SBF2: variants seen among roughly 807,000 people sequenced by gnomAD.
The protein encoded by SBF2 is SET binding factor 2.
Under a neutral mutation model 225.2 loss-of-function variants are expected in SBF2, and 112 were observed. The ratio of observed to expected loss-of-function variants is 0.50; its 90% confidence interval spans 0.43 to 0.58. SBF2 has a LOEUF of 0.58. Among genes scored for constraint, SBF2 ranks in the 20% least tolerant of loss-of-function variants. The pLI, the probability that SBF2 is intolerant of heterozygous loss-of-function variation, is 0.00. For synonymous variants in SBF2, 763 were observed against 773.3 expected (o/e 0.99, Z 0.22); for missense variants, 1,996 against 2,206.2 (o/e 0.90, Z 1.91).
At chr11:10,058,203 T>C (rs888236693) in intron 2 of SBF2, among the ~76,000 whole-genome samples, 2 of 152,006 alleles carry the variant, frequency 1.3e-5, no homozygotes, top group Non-Finnish European at 2.9e-5. Flanking sequence ...AGAATATGGA[T>C]AGGAACAAAG....
intron 10 of SBF2, 125 bp downstream of exon 10, chr11:9,993,796 T>A: frequency 1.0e-6 from 1 of 967,534 alleles, no homozygotes; most frequent in Non-Finnish European, 1.5e-6. Context: ...TCCTAATTTC[T>A]AATTTGGGGC....
intron 2 of SBF2, among the ~76,000 whole-genome samples, chr11:10,119,567 A>G (rs1445733616): frequency 6.6e-6 from 1 of 152,186 alleles, no homozygotes; most frequent in African/African-American, 2.4e-5. Flanking sequence ...GGTCAAAGTC[A>G]TTGATAAGAG....
At chr11:10,059,883 G>C (rs978079256) in intron 2 of SBF2, among the ~76,000 whole-genome samples, 1 of 152,166 alleles carries the variant, frequency 6.6e-6, no homozygotes, top group African/African-American at 2.4e-5. Context: ...CTAAAGCAGT[G>C]TTAAGAGAAG....
chr11:10,261,469 C>T (rs1389965575), intron 1 of SBF2, among the ~76,000 whole-genome samples: 1 of 152,168 alleles, frequency 6.6e-6, no homozygotes, highest in African/African-American at 2.4e-5. Flanking sequence ...CCCCAAAGTG[C>T]TGGGATTACA....
intron 16 of SBF2, among the ~76,000 whole-genome samples, chr11:9,949,711 C>A (rs553243000): frequency 6.6e-6 from 1 of 151,676 alleles, no homozygotes; most frequent in African/African-American, 2.4e-5. Context: ...GAAAAAGGGG[C>A]TTTTTTTTCC....
intron 17 of SBF2, among the ~76,000 whole-genome samples, chr11:9,862,651 TG>T (rs919194050): frequency 6.6e-6 from 1 of 152,064 alleles, no homozygotes; most frequent in Admixed American, 6.5e-5. Context: ...CAGTATAACC[TG>T]GGACAGTAGC....
At chr11:10,225,037 G>A (rs1224187715) in intron 1 of SBF2, among the ~76,000 whole-genome samples, 8 of 152,106 alleles carry the variant, frequency 5.3e-5, no homozygotes, top group Non-Finnish European at 1.0e-4. Flanking sequence ...TTGCCATCTT[G>A]GAGATAGAGG....
At chr11:10,224,675 G>A (rs1178921604) in intron 1 of SBF2, among the ~76,000 whole-genome samples, 1 of 152,054 alleles carries the variant, frequency 6.6e-6, no homozygotes, top group South Asian at 2.1e-4. Context: ...ATACATGGCT[G>A]GTTCCTTCGA....
At chr11:10,017,490 A>G (rs767231147) in intron 6 of SBF2, among the ~76,000 whole-genome samples, 19 of 152,210 alleles carry the variant, frequency 1.2e-4, no homozygotes, top group Non-Finnish European at 2.5e-4. Context: ...ACACTAGAAT[A>G]TAGCAGTGAA....
chr11:10,135,338 C>A (rs144181076), intron 2 of SBF2, among the ~76,000 whole-genome samples: 2 of 152,258 alleles, frequency 1.3e-5, no homozygotes, highest in Admixed American at 1.3e-4. Flanking sequence ...GTCTCTGACA[C>A]GCCCTAGAGA....
intron 2 of SBF2, among the ~76,000 whole-genome samples, chr11:10,070,656 C>T (rs1950828019): frequency 6.6e-6 from 1 of 151,996 alleles, no homozygotes; most frequent in Non-Finnish European, 1.5e-5. Flanking sequence ...TTTTTTGGTT[C>T]CATATGAACT....
At chr11:10,218,698 G>C (rs1372830768) in intron 1 of SBF2, among the ~76,000 whole-genome samples, 1 of 152,118 alleles carries the variant, frequency 6.6e-6, no homozygotes, top group Non-Finnish European at 1.5e-5. Context: ...TACAACGGAG[G>C]TACAGGCATT....
At chr11:10,098,486 A>C (rs1021082898) in intron 2 of SBF2, among the ~76,000 whole-genome samples, 51 of 151,870 alleles carry the variant, frequency 3.4e-4, no homozygotes, top group East Asian at 1.9e-3. Context: ...AAAAAAAAAA[A>C]AACAAAGAAA....
At chr11:10,122,404 G>A (rs1953509593) in intron 2 of SBF2, among the ~76,000 whole-genome samples, 1 of 152,240 alleles carries the variant, frequency 6.6e-6, no homozygotes, top group South Asian at 2.1e-4. Flanking sequence ...GCTAAGTGGG[G>A]ACTAATATAT....
intron 13 of SBF2, among the ~76,000 whole-genome samples, chr11:9,974,109 C>G (rs1946570852): frequency 6.6e-6 from 1 of 152,066 alleles, no homozygotes. Flanking sequence ...GATGGAATGA[C>G]TCATCCTCAA....
intron 17 of SBF2, among the ~76,000 whole-genome samples, chr11:9,867,730 A>G (rs1009263957): frequency 1.2e-4 from 19 of 152,230 alleles, no homozygotes; most frequent in Non-Finnish European, 2.5e-4. Context: ...CATGGATGGA[A>G]CTGGAGGTCA....
In SBF2 at chr11:10,123,665, G is replaced by C. The variant is rs565466794; in HGVS notation, c.141+70237C>G. Among the ~76,000 whole-genome samples the C allele has an allele frequency of 3.8e-3, 578 of 150,316 alleles. 4 individuals carry two copies. The highest frequency in any genetic ancestry group is 5.5e-3 in the South Asian group (26 of 4,738). ...AGTTTAATCTCTCTCCCCTAGTCTT[G>C]ACTATAAAGTCTTCCTTACAAAAAA... On this transcript the variant is annotated intron_variant, in intron 2 of 39. Transcript: ENST00000256190.
chr11:9,977,182 T>C (rs547203293), intron 13 of SBF2, among the ~76,000 whole-genome samples: 1 of 152,208 alleles, frequency 6.6e-6, no homozygotes, highest in East Asian at 1.9e-4. Context: ...CCTTTATATG[T>C]GCATATCAAG....
intron 1 of SBF2, among the ~76,000 whole-genome samples, chr11:10,234,258 T>C (rs754331953): frequency 6.6e-6 from 1 of 152,192 alleles, no homozygotes; most frequent in Non-Finnish European, 1.5e-5. Context: ...TTTGATCTTG[T>C]AAATGCTTTT....
Sources: gnomAD v4.1 joint callset for allele counts (sites outside exome capture counted in the v4.1 genomes callset) on GRCh38, gnomAD v4.1.1 for gene constraint, MANE v1.5 for transcripts, NCBI Gene and HGNC (gene_info 2026-07-23, HGNC 2026-07-21) for gene names.